Variants in ORC4 observed in about 807,000 individuals in gnomAD.
ORC4 encodes origin recognition complex subunit 4, also known as origin recognition complex, subunit 4 homolog.
A neutral mutation model predicts 63.9 loss-of-function variants in ORC4; 55 were observed. That is an observed-to-expected ratio of 0.86 (90% confidence interval 0.69 to 1.08). The LOEUF (loss-of-function observed/expected upper bound fraction) is 1.08, where lower values mean the gene tolerates loss of function less well. ORC4 is among the 50% of genes least tolerant of loss of function. ORC4 has a pLI of 0.00. For synonymous variants in ORC4, 150 were observed against 168.5 expected (o/e 0.89, Z 0.85); for missense variants, 511 against 504.4 (o/e 1.01, Z -0.13).
At chr2:148,012,589 TAAC>T (rs1014511974) in intron 1 of ORC4, among the ~76,000 whole-genome samples, 1 of 151,480 alleles carries the variant, frequency 6.6e-6, no homozygotes, top group Non-Finnish European at 1.5e-5. Flanking sequence ...TAAAATAAAA[TAAC>T]AACAAATGAG....
At chr2:147,987,186 T>TAAA (rs11399347) in intron 1 of ORC4, among the ~76,000 whole-genome samples, 1 of 143,634 alleles carries the variant, frequency 7.0e-6, no homozygotes, top group East Asian at 2.0e-4. Flanking sequence ...TTGAGATCTT[T>TAAA]AAAAAAAAAA....
chr2:147,994,850 C>A (rs1691842969), intron 1 of ORC4, among the ~76,000 whole-genome samples: 2 of 152,316 alleles, frequency 1.3e-5, no homozygotes, highest in African/African-American at 4.8e-5. Flanking sequence ...CATGGTGAAA[C>A]CCTGTCTCTA....
At chr2:147,955,802 A>G (rs1689213127) in intron 6 of ORC4, among the ~76,000 whole-genome samples, 1 of 152,000 alleles carries the variant, frequency 6.6e-6, no homozygotes, top group Non-Finnish European at 1.5e-5. Flanking sequence ...TTCAAACACA[A>G]TGGGGTCTTG....
At chr2:147,991,755 G>C (rs2105402636) in intron 1 of ORC4, among the ~76,000 whole-genome samples, 1 of 152,238 alleles carries the variant, frequency 6.6e-6, no homozygotes, top group South Asian at 2.1e-4. Flanking sequence ...TTGAACCGGG[G>C]AGGCGGAGGC....
At position 147,935,536 on chromosome 2, in the gene ORC4, C is replaced by T; in HGVS notation, c.1285G>A (p.Ala429Thr). ...PNCPTDVRQW[A>T]TSSLSWL Reference sequence around the variant, plus strand: ...CATAACCAGCTTAGTGAGGATGTTGCCCACTGCCTCACATCTGTAGGACAG... The same window carrying T: ...CATAACCAGCTTAGTGAGGATGTTGTCCACTGCCTCACATCTGTAGGACAG... Residue 429 changes from alanine to threonine, a missense_variant, in exon 14 of 14, where the codon GCA (alanine) becomes ACA (threonine). Ala to Thr is a moderately conservative substitution (Grantham distance 58). Coordinates refer to ENST00000392857, the MANE Select transcript of ORC4 (RefSeq NM_181741.4). 6.2e-7 allele frequency: 1 copy of T among 1,613,480 alleles called. No individual in the cohort carries two copies. The highest frequency in any genetic ancestry group is 1.3e-5 in the African/African-American group (1 of 75,028).
Position 147,938,196 on chromosome 2 carries a change from G to A in ORC4, c.1072C>T (p.Gln358Ter). The change falls in exon 13 of 14, where the codon CAA becomes TAA. Residue 358 changes from glutamine (Q) to a stop codon, truncating the protein, a stop_gained. Coordinates refer to ENST00000392857, the MANE Select transcript of ORC4 (RefSeq NM_181741.4). LOFTEE classifies it high-confidence loss of function. ...MVYNEFQKFV[Q>*]RKAHSVYNFE... ...TTATAAACGGAATGTGCTTTCCTTTGAACAAACTTCTGAAACTCTGAGTAG... is the reference window on the plus strand; with the variant it reads ...TTATAAACGGAATGTGCTTTCCTTTAAACAAACTTCTGAAACTCTGAGTAG... 1 of 1,612,456 alleles carries A rather than the reference G, an allele frequency of 6.2e-7. No individual in the cohort carries two copies. The highest frequency in any genetic ancestry group is 8.5e-7 in the Non-Finnish European group (1 of 1,178,888).
intron 1 of ORC4, among the ~76,000 whole-genome samples, chr2:148,019,306 C>T (rs956640228): frequency 6.6e-6 from 1 of 152,152 alleles, no homozygotes; most frequent in Admixed American, 6.5e-5. Context: ...AGAACCTACA[C>T]CGGCCGGGCG....
intron 11 of ORC4, chr2:147,938,598 A>T: frequency 3.8e-6 from 2 of 530,370 alleles, no homozygotes; most frequent in Non-Finnish European, 6.7e-6. Flanking sequence ...CCTATCTGCA[A>T]AATAAGGATA....
At position 147,981,251 on chromosome 2, in the gene ORC4, T is replaced by C. The variant is rs140730241; in HGVS notation, c.-17-5276A>G. Among the ~76,000 whole-genome samples the C allele has an allele frequency of 7.2e-5, 11 of 152,296 alleles. No homozygotes were observed. The East Asian group carries it at 2.1e-3, about 29-fold the overall frequency. Reference sequence around the variant, plus strand: ...ACTCTCTCTATATACTATGTTCTTTTAATCTGATAACCTAGATGGCTACTG... The same window carrying C: ...ACTCTCTCTATATACTATGTTCTTTCAATCTGATAACCTAGATGGCTACTG... On this transcript the variant is annotated intron_variant, in intron 1 of 13. Coordinates refer to ENST00000392857, the MANE Select transcript of ORC4 (RefSeq NM_181741.4).
Position 147,948,077 on chromosome 2 carries a change from C to A in ORC4, c.736G>T (p.Ala246Ser), listed in dbSNP as rs1688752311. The A allele has an allele frequency of 1.2e-6, 2 of 1,612,096 alleles. No homozygotes were observed. The highest frequency in any genetic ancestry group is 1.7e-5 in the Admixed American group (1 of 59,964). Residue 246 changes from alanine to serine, a missense_variant, in exon 9 of 14, where the codon GCT (alanine) becomes TCT (serine). Transcript: ENST00000392857. ...LPAEFPDKVF[A>S]EKWNENVQYL... ...TGAACATTTTCATTCCACTTCTCAGCAAAAACCTTGTCTGGAAACTCTGCA... is the reference window on the plus strand; with the variant it reads ...TGAACATTTTCATTCCACTTCTCAGAAAAAACCTTGTCTGGAAACTCTGCA...
At chr2:147,958,515 G>T in intron 5 of ORC4, 132 bp from the exon 6 acceptor site, 1 of 670,768 alleles carries the variant, frequency 1.5e-6, no homozygotes. Flanking sequence ...TTAAAACTTA[G>T]CAATAAAGAC....
chr2:147,969,456 C>T (rs957912952), intron 4 of ORC4, among the ~76,000 whole-genome samples: 6 of 151,874 alleles, frequency 4.0e-5, no homozygotes, highest in Non-Finnish European at 7.4e-5. Context: ...TTAATTACTA[C>T]CTAAAATGAC....
intron 7 of ORC4, among the ~76,000 whole-genome samples, chr2:147,954,820 G>T (rs2105305154): frequency 6.6e-6 from 1 of 152,188 alleles, no homozygotes; most frequent in South Asian, 2.1e-4. Flanking sequence ...GAAGAAAAAG[G>T]TATTATCAAA....
At position 147,979,038 on chromosome 2, in the gene ORC4, C is replaced by T. The variant is rs115106526; in HGVS notation, c.-17-3063G>A. On this transcript the variant is annotated intron_variant, in intron 1 of 13. Coordinates refer to ENST00000392857, the MANE Select transcript of ORC4 (RefSeq NM_181741.4). The stretch of plus-strand genomic sequence containing the variant: ...AGGTAAAAAGTTGGAAGCTTTCCCT[C>T]TAAGATCAAGAACATGACAAGAATG... Among the ~76,000 whole-genome samples, 698 of 152,212 alleles carry T rather than the reference C, an allele frequency of 4.6e-3. 4 individuals carry two copies. Among genetic ancestry groups the T allele is most frequent in the African/African-American group, 0.016 (651 of 41,532 alleles).
At chr2:148,021,083 T>TC (rs1402367304), upstream of ORC4, 7 of 99,332 alleles carry the variant, frequency 7.0e-5, no homozygotes, top group South Asian at 3.5e-4. Flanking sequence ...GAACCCCCCC[T>TC]CCCCCCCAAG....
intron 9 of ORC4, among the ~76,000 whole-genome samples, chr2:147,945,591 C>T (rs1688613953): frequency 6.6e-6 from 1 of 152,056 alleles, no homozygotes; most frequent in Non-Finnish European, 1.5e-5. Flanking sequence ...AAGGATCCCT[C>T]TTATACTGCC....
At chr2:147,950,535 G>A (rs186656277) in intron 8 of ORC4, among the ~76,000 whole-genome samples, 118 of 152,140 alleles carry the variant, frequency 7.8e-4, no homozygotes, top group Middle Eastern at 3.4e-3. Context: ...GGGAGGCCAA[G>A]GGGGGTAGAT....
chr2:147,947,187 G>T (rs879565293), intron 9 of ORC4, among the ~76,000 whole-genome samples: 5 of 151,854 alleles, frequency 3.3e-5, no homozygotes, highest in Non-Finnish European at 7.4e-5. Flanking sequence ...TCTATTCAAA[G>T]ATCTAATTAT....
intron 1 of ORC4, among the ~76,000 whole-genome samples, chr2:147,999,351 C>T (rs1558872124): frequency 6.6e-6 from 1 of 152,114 alleles, no homozygotes; most frequent in Admixed American, 6.6e-5. Flanking sequence ...ATATATTGAA[C>T]GTTGAGGCCC....
Sources: gnomAD v4.1 joint callset for allele counts (sites outside exome capture counted in the v4.1 genomes callset) on GRCh38, gnomAD v4.1.1 for gene constraint, MANE v1.5 for transcripts, NCBI Gene and HGNC (gene_info 2026-07-23, HGNC 2026-07-21) for gene names.